RNLS: variants seen among roughly 807,000 people sequenced by gnomAD.
The protein encoded by RNLS is renalase, FAD dependent amine oxidase.
Under a neutral mutation model 39.8 loss-of-function variants are expected in RNLS, and 39 were observed. That is an observed-to-expected ratio of 0.98 (90% CI 0.76 to 1.28). The LOEUF (loss-of-function observed/expected upper bound fraction) is 1.28. Among genes scored for constraint, RNLS ranks in the 50% most tolerant of loss-of-function variants. The pLI is 0.00. For synonymous variants in RNLS, 147 were observed against 150.7 expected (o/e 0.98, Z 0.18); for missense variants, 410 against 413.3 (o/e 0.99, Z 0.07).
chr10:88,196,592 T>C, the RNLS span, among the ~76,000 whole-genome samples: 10 of 152,146 alleles, frequency 6.6e-5, no homozygotes, highest in African/African-American at 1.4e-4. Flanking sequence ...ATAAGAGGCA[T>C]CATTTCTCTC....
the RNLS span, among the ~76,000 whole-genome samples, chr10:88,236,541 T>G: frequency 1.1e-4 from 17 of 152,210 alleles, no homozygotes; most frequent in Admixed American, 1.3e-4. Context: ...AAATGGTTGC[T>G]CAACACAAGT....
At chr10:88,281,510 C>A (rs1843007964), downstream of RNLS, among the ~76,000 whole-genome samples, 1 of 152,244 alleles carries the variant, frequency 6.6e-6, no homozygotes, top group East Asian at 1.9e-4. Flanking sequence ...GTGGGGATTG[C>A]TGATTATATT....
At chr10:88,565,753 T>C (rs1179080059) in intron 4 of RNLS, among the ~76,000 whole-genome samples, 5 of 144,738 alleles carry the variant, frequency 3.5e-5, no homozygotes, top group East Asian at 3.9e-4. Context: ...CTTTCTTTTT[T>C]TTTTTTTTTT....
chr10:88,217,965 A>G, the RNLS span, among the ~76,000 whole-genome samples: 7 of 152,138 alleles, frequency 4.6e-5, no homozygotes, highest in Non-Finnish European at 1.0e-4. Flanking sequence ...GCTTGAACCC[A>G]GGAGGCAGAG....
At chr10:88,267,716 AC>A in the RNLS span, among the ~76,000 whole-genome samples, 1 of 152,184 alleles carries the variant, frequency 6.6e-6, no homozygotes, top group South Asian at 2.1e-4. Flanking sequence ...ATAAAGTCAG[AC>A]CTTCCCATTT....
At chr10:88,373,178 T>C (rs1404501369) in intron 4 of RNLS, among the ~76,000 whole-genome samples, 1 of 152,182 alleles carries the variant, frequency 6.6e-6, no homozygotes, top group Non-Finnish European at 1.5e-5. Context: ...TTTACATTTA[T>C]GGCTAGAGAT....
the RNLS span, among the ~76,000 whole-genome samples, chr10:88,202,801 C>A: frequency 6.6e-6 from 1 of 152,180 alleles, no homozygotes; most frequent in African/African-American, 2.4e-5. Flanking sequence ...TCATCGTGTA[C>A]ACAGCTGCTA....
intron 4 of RNLS, among the ~76,000 whole-genome samples, chr10:88,468,371 G>A (rs1270817358): frequency 6.6e-6 from 1 of 152,092 alleles, no homozygotes; most frequent in Non-Finnish European, 1.5e-5. Context: ...ATCTCCCCTG[G>A]ACCAGGAGCA....
In RNLS at chr10:88,407,282, T is replaced by C. The variant is rs144587498; in HGVS notation, c.527-44557A>G. Among the ~76,000 whole-genome samples the C allele has an allele frequency of 2.0e-3, 298 of 152,114 alleles. 2 individuals carry two copies. The highest frequency in any genetic ancestry group is 6.8e-3 in the African/African-American group (282 of 41,520). ...CACTACCAATGAAAAGAACATAATA[T>C]CTATCCTTTTGAGTATCTAGTCCCT... On this transcript the variant is annotated intron_variant, in intron 4 of 6. Transcript: ENST00000331772.
chr10:88,259,744 T>G, the RNLS span, among the ~76,000 whole-genome samples: 34 of 152,254 alleles, frequency 2.2e-4, no homozygotes, highest in African/African-American at 6.7e-4. Flanking sequence ...ATAGACTTTT[T>G]TTGTTGTTGT....
chr10:88,181,198 GAGA>G, the RNLS span, among the ~76,000 whole-genome samples: 4 of 152,190 alleles, frequency 2.6e-5, no homozygotes, highest in South Asian at 8.3e-4. Context: ...GCTGTGATGT[GAGA>G]AGGACTGGCC....
chr10:88,235,614 C>A, the RNLS span, among the ~76,000 whole-genome samples: 1 of 152,176 alleles, frequency 6.6e-6, no homozygotes, highest in Non-Finnish European at 1.5e-5. Context: ...CACCCCTCCA[C>A]CTAGATTCAA....
At chr10:88,443,785 C>T (rs1841870751) in intron 4 of RNLS, among the ~76,000 whole-genome samples, 1 of 152,206 alleles carries the variant, frequency 6.6e-6, no homozygotes, top group Admixed American at 6.5e-5. Flanking sequence ...GGGGCGCCCG[C>T]CATTGCTGAG....
chr10:88,556,144 A>T (rs966092258), intron 4 of RNLS, among the ~76,000 whole-genome samples: 1 of 152,152 alleles, frequency 6.6e-6, no homozygotes, highest in African/African-American at 2.4e-5. Context: ...CTTTGGTAGA[A>T]GACAACTCTG....
At chr10:88,543,445 T>A (rs759469032) in intron 4 of RNLS, among the ~76,000 whole-genome samples, 11 of 152,210 alleles carry the variant, frequency 7.2e-5, no homozygotes, top group Non-Finnish European at 1.3e-4. Flanking sequence ...TTTCAGTAAC[T>A]TCTTAACTGC....
the RNLS span, among the ~76,000 whole-genome samples, chr10:88,265,323 CTTTTTTTTTT>C: frequency 9.0e-4 from 53 of 59,070 alleles, no homozygotes; most frequent in Non-Finnish European, 1.0e-3. Context: ...CAGGGTTTTT[CTTTTTTTTTT>C]TTTTTTTTTT....
rs536029778 is a variant in RNLS at position 88,582,767 on chromosome 10, A to T, written c.118+306T>A. 1.4e-4 allele frequency among the ~76,000 whole-genome samples: 21 copies of T among 152,368 alleles called. No homozygotes were observed. The East Asian group carries it at 4.0e-3, about 29-fold the overall frequency. Reference sequence around the variant, plus strand: ...GGACAGCAGTAGGCCCAAGCTTTGCAAACTCGGGTCGGGGCCCCTCCCACG... The same window carrying T: ...GGACAGCAGTAGGCCCAAGCTTTGCTAACTCGGGTCGGGGCCCCTCCCACG... On this transcript the variant is annotated intron_variant, in intron 1 of 6. Coordinates refer to ENST00000331772, the MANE Select transcript of RNLS (RefSeq NM_001031709.3).
intron 5 of RNLS, among the ~76,000 whole-genome samples, chr10:88,334,556 C>T (rs1353764631): frequency 6.6e-6 from 1 of 152,138 alleles, no homozygotes; most frequent in Non-Finnish European, 1.5e-5. Context: ...CTCACTTCAT[C>T]AATGGGAAAT....
chr10:88,489,118 A>G lies in RNLS; in HGVS notation c.526+83785T>C, dbSNP rs534283141. 4.6e-5 allele frequency among the ~76,000 whole-genome samples: 7 copies of G among 152,252 alleles called. 1 individual carries two copies. Among genetic ancestry groups the G allele is most frequent in the African/African-American group, 9.6e-5 (4 of 41,554 alleles). On this transcript the variant is annotated intron_variant, in intron 4 of 6. Coordinates refer to ENST00000331772, the MANE Select transcript of RNLS (RefSeq NM_001031709.3). The stretch of plus-strand genomic sequence containing the variant: ...TGAGAGCAAATGATTTGTTTTTTCT[A>G]TACTTTCAATTTAAAAAAGAAAAAA...
Sources: gnomAD v4.1 joint callset for allele counts (sites outside exome capture counted in the v4.1 genomes callset) on GRCh38, gnomAD v4.1.1 for gene constraint, MANE v1.5 for transcripts, NCBI Gene and HGNC (gene_info 2026-07-23, HGNC 2026-07-21) for gene names.